PRKAG2: variants seen among roughly 807,000 people sequenced by gnomAD.
PRKAG2 encodes protein kinase AMP-activated non-catalytic subunit gamma 2, also known as 5'-AMP-activated protein kinase subunit gamma-2.
Under a neutral mutation model 69.6 loss-of-function variants are expected in PRKAG2, and 26 were observed. The ratio of observed to expected loss-of-function variants is 0.37; its 90% CI spans 0.27 to 0.52. The LOEUF is 0.52. PRKAG2 is among the 20% of genes least tolerant of loss of function. The pLI is 0.90. For missense variants in PRKAG2, 557 were observed against 740.0 expected (o/e 0.75, Z 2.87); for synonymous variants, 293 against 285.0 (o/e 1.03, Z -0.28).
At chr7:151,576,674 T>C (rs931228330) in intron 6 of PRKAG2, among the ~76,000 whole-genome samples, 2 of 152,148 alleles carry the variant, frequency 1.3e-5, no homozygotes, top group African/African-American at 4.8e-5. Context: ...CTAATTTTTG[T>C]ATTTTTGGTA....
At chr7:151,751,673 TTTTG>T (rs58075222) in intron 3 of PRKAG2, among the ~76,000 whole-genome samples, 48,457 of 149,390 alleles carry the variant, frequency 0.32, 8,463 homozygotes, top group East Asian at 0.63. Context: ...GCCCAGCTAT[TTTTG>T]TTTGTTTGTT....
chr7:151,703,845 A>AAAAC (rs1838125393), intron 3 of PRKAG2, among the ~76,000 whole-genome samples: 3 of 88,494 alleles, frequency 3.4e-5, no homozygotes, highest in African/African-American at 9.3e-5. Context: ...TTTACTGGAA[A>AAAAC]ACACACACAC....
chr7:151,781,563 T>A lies in PRKAG2; in HGVS notation c.187-132A>T. 1 of 1,162,310 alleles carries A rather than the reference T, an allele frequency of 8.6e-7. No homozygotes were observed. Among genetic ancestry groups the A allele is most frequent in the Non-Finnish European group, 1.2e-6 (1 of 818,152 alleles). The allele number at this position is 1,162,310 out of a possible 1,614,324, so 72.0% of individuals were successfully genotyped here. On this transcript the variant is annotated intron_variant, in intron 2 of 15. Transcript: ENST00000287878. This position sits in a 1 kb window ranked among gnomAD's most constrained non-coding sequence, Gnocchi z 6.1. ...TAGTACCCTCCCAGAGAAACAGCCCTAAGCTCTTCCACAGAGGTAGCCACT... is the reference window on the plus strand; with the variant it reads ...TAGTACCCTCCCAGAGAAACAGCCCAAAGCTCTTCCACAGAGGTAGCCACT...
chr7:151,734,848 C>CTTTTTTTTTTTTT (rs35008070), intron 3 of PRKAG2, among the ~76,000 whole-genome samples: 1 of 90,082 alleles, frequency 1.1e-5, no homozygotes, highest in African/African-American at 5.1e-5. Context: ...AAATCTGATT[C>CTTTTTTTTTTTTT]TTTTTTTTTT....
chr7:151,774,025 C>T (rs1003757179), intron 3 of PRKAG2, among the ~76,000 whole-genome samples: 11 of 152,056 alleles, frequency 7.2e-5, no homozygotes, highest in Non-Finnish European at 4.4e-5. Context: ...GATTTTGTCC[C>T]GGGGCTGATT....
chr7:151,759,522 C>A (rs908078927), intron 3 of PRKAG2, among the ~76,000 whole-genome samples: 2 of 152,212 alleles, frequency 1.3e-5, no homozygotes, highest in Non-Finnish European at 2.9e-5. Context: ...GAATATCCTC[C>A]ATGCCAGACA....
In PRKAG2 at chr7:151,831,580, A is replaced by G. The variant is rs528608094; in HGVS notation, c.114+44927T>C. Among the ~76,000 whole-genome samples, 5 of 152,382 alleles carry G rather than the reference A, an allele frequency of 3.3e-5. No homozygotes were observed. In the South Asian group the frequency reaches 1.0e-3, roughly 32 times the overall value. Reference sequence around the variant, plus strand: ...CCTTAGTGAGTTAATGGCTATGGTCAGCGGAGTTCTGGGCCAATCCTTACA... The same window carrying G: ...CCTTAGTGAGTTAATGGCTATGGTCGGCGGAGTTCTGGGCCAATCCTTACA... On this transcript the variant is annotated intron_variant, in intron 1 of 15. Coordinates refer to ENST00000287878, the MANE Select transcript of PRKAG2 (RefSeq NM_016203.4).
rs1331139872 is a variant in PRKAG2 at position 151,840,540 on chromosome 7, A to G, written c.114+35967T>C. Reference sequence around the variant, plus strand: ...TCTGTGCACCTGTCCCGAGGCCCCAACCTGCAGTCCTGAGACTACAGATGC... The same window carrying G: ...TCTGTGCACCTGTCCCGAGGCCCCAGCCTGCAGTCCTGAGACTACAGATGC... On this transcript the variant is annotated intron_variant, in intron 1 of 15. Transcript: ENST00000287878. 3.3e-5 allele frequency among the ~76,000 whole-genome samples: 5 copies of G among 152,024 alleles called. No individual in the cohort carries two copies. In the East Asian group the frequency reaches 9.7e-4, roughly 29 times the overall value.
Position 151,814,293 on chromosome 7 carries a change from A to T in PRKAG2, c.115-27752T>A. The T allele has an allele frequency of 1.6e-6, 1 of 632,920 alleles. No homozygotes were observed. Among genetic ancestry groups the T allele is most frequent in the Non-Finnish European group, 2.1e-6 (1 of 475,562 alleles). 39.2% of individuals were successfully genotyped at this position (632,920 alleles called of 1,614,324 possible). A position where few individuals can be genotyped will look rare whatever the true frequency, so the allele number is the denominator to read the frequency against. Reference sequence around the variant, plus strand: ...TTAATAAGAGGCTCTTGGAGAACAAAGCCACAATTCAGCATCAGTCTTACA... The same window carrying T: ...TTAATAAGAGGCTCTTGGAGAACAATGCCACAATTCAGCATCAGTCTTACA... On this transcript the variant is annotated intron_variant, in intron 1 of 15. Transcript: ENST00000287878. The surrounding 1 kb of genome is among the most constrained non-coding windows in gnomAD (Gnocchi z 4.8).
intron 3 of PRKAG2, among the ~76,000 whole-genome samples, chr7:151,738,528 G>A (rs1307193547): frequency 1.3e-5 from 2 of 152,272 alleles, no homozygotes; most frequent in Non-Finnish European, 2.9e-5. Flanking sequence ...CGGAAATGAG[G>A]GCAAGGAACA....
intron 1 of PRKAG2, among the ~76,000 whole-genome samples, chr7:151,867,607 C>A (rs979436163): frequency 6.6e-6 from 1 of 152,202 alleles, no homozygotes; most frequent in Non-Finnish European, 1.5e-5. Context: ...AACCCCATCT[C>A]AAAGAAGGTC....
chr7:151,588,545 G>C (rs35050553), intron 6 of PRKAG2, among the ~76,000 whole-genome samples: 1 of 151,324 alleles, frequency 6.6e-6, no homozygotes, highest in Non-Finnish European at 1.5e-5. Flanking sequence ...GTAATTTTAG[G>C]AGGACGGTTT....
Position 151,632,052 on chromosome 7 carries a change from G to A in PRKAG2, c.754+17C>T, listed in dbSNP as rs772286759. On this transcript the variant is annotated intron_variant, in intron 5 of 15. Coordinates refer to ENST00000287878, the MANE Select transcript of PRKAG2 (RefSeq NM_016203.4). This position sits in a 1 kb window ranked among gnomAD's most constrained non-coding sequence, Gnocchi z 4.2. ...GCCGTGGGAGCGCCGGGCCGGCAGC[G>A]GGCGGGGCGCACTCACCTTCGTCCT... The A allele has an allele frequency of 1.7e-5, 23 of 1,363,742 alleles. No homozygotes were observed. Among genetic ancestry groups the A allele is most frequent in the Non-Finnish European group, 2.0e-5 (21 of 1,044,698 alleles). The allele number at this position is 1,363,742 out of a possible 1,614,324, so 84.5% of individuals were successfully genotyped here. A position where few individuals can be genotyped will look rare whatever the true frequency, so the allele number is the denominator to read the frequency against.
At chr7:151,705,789 T>C (rs1838494942) in intron 3 of PRKAG2, among the ~76,000 whole-genome samples, 1 of 152,170 alleles carries the variant, frequency 6.6e-6, no homozygotes, top group African/African-American at 2.4e-5. Context: ...CTCCTTACAC[T>C]GCCCTCTGCA....
At chr7:151,867,549 C>T (rs1586750220) in intron 1 of PRKAG2, among the ~76,000 whole-genome samples, 1 of 152,136 alleles carries the variant, frequency 6.6e-6, no homozygotes. Flanking sequence ...GGATGAGGGC[C>T]GGTCCTAATG....
intron 13 of PRKAG2, 23 bp downstream of exon 13, chr7:151,565,323 T>C (rs756626353): frequency 4.4e-6 from 6 of 1,367,874 alleles, no homozygotes; most frequent in South Asian, 3.8e-5. Flanking sequence ...AGGTGACAGA[T>C]TGAACAAAAT....
At chr7:151,562,684 T>C (rs1251953311) in intron 14 of PRKAG2, among the ~76,000 whole-genome samples, 1 of 152,044 alleles carries the variant, frequency 6.6e-6, no homozygotes, top group Admixed American at 6.6e-5. Flanking sequence ...ATAGTGGATA[T>C]TAGCCGGGTG....
intron 15 of PRKAG2, chr7:151,559,311 A>G (rs2150966391): frequency 1.0e-6 from 1 of 983,750 alleles, no homozygotes; most frequent in Non-Finnish European, 1.2e-6. Context: ...TATTTGGATT[A>G]TTCCCAGTTT....
At chr7:151,848,843 C>T (rs2079502214) in intron 1 of PRKAG2, among the ~76,000 whole-genome samples, 1 of 152,120 alleles carries the variant, frequency 6.6e-6, no homozygotes, top group South Asian at 2.1e-4. Flanking sequence ...GTCTTTTGAT[C>T]TACCTAAAAA....
Sources: gnomAD v4.1 joint callset for allele counts (sites outside exome capture counted in the v4.1 genomes callset) on GRCh38, gnomAD v4.1.1 for gene constraint, Gnocchi (gnomAD v3.1) non-coding constraint, MANE v1.5 for transcripts, NCBI Gene and HGNC (gene_info 2026-07-23, HGNC 2026-07-21) for gene names.